Variants in CLSTN2 observed in about 807,000 individuals in gnomAD.
The protein encoded by CLSTN2 is calsyntenin-2.
CLSTN2 carries 48 observed loss-of-function variants against 101.2 expected under a neutral mutation model. The observed-to-expected ratio is 0.47, with a 90% CI of 0.38 to 0.60. The LOEUF is 0.60. CLSTN2 is among the 20% of genes least tolerant of loss of function. The pLI is 0.00. For missense variants in CLSTN2, 1,160 were observed against 1,238.2 expected, an observed-to-expected ratio of 0.94 and a Z score of 0.95; for synonymous variants, 481 against 463.6, an observed-to-expected ratio of 1.04 and a Z score of -0.48.
rs1051138718 is a variant in CLSTN2, at chr3:140,463,265, T to C, written c.1223-3345T>C. 3.9e-5 allele frequency among the ~76,000 whole-genome samples: 6 copies of C among 152,218 alleles called. 1 individual carries two copies. Among genetic ancestry groups the C allele is most frequent in the Admixed American group, 2.6e-4 (4 of 15,286 alleles). On this transcript the variant is annotated intron_variant, in intron 7 of 16. Coordinates refer to ENST00000458420, the MANE Select transcript of CLSTN2 (RefSeq NM_022131.3). ...ATGCAGCCCTTTTCTGTCTCTGAGT[T>C]TGAACTGAGAACAATGAATGATCAG...
At chr3:140,561,152 TA>T (rs1330081175) in intron 12 of CLSTN2, among the ~76,000 whole-genome samples, 19 of 152,104 alleles carry the variant, frequency 1.2e-4, no homozygotes, top group African/African-American at 4.3e-4. Flanking sequence ...ACTTTATAAA[TA>T]AATAAATATA....
chr3:140,427,184 A>AAT lies in CLSTN2; in HGVS notation c.787+5929_787+5930dup, dbSNP rs1177459069. 1.7e-3 allele frequency among the ~76,000 whole-genome samples: 160 copies of AAT among 94,140 alleles called. 1 individual carries two copies. The highest frequency in any genetic ancestry group is 3.1e-3 in the East Asian group (9 of 2,890). The allele number at this position is 94,140 out of a possible 152,430, so 61.8% of individuals were successfully genotyped here. On this transcript the variant is annotated intron_variant, in intron 5 of 16. Coordinates refer to ENST00000458420, the MANE Select transcript of CLSTN2 (RefSeq NM_022131.3). ...GAGTGAGACTGTCTCAAAAAAAAAA[A>AAT]ATATATATATATATATATATGTGTA...
intron 1 of CLSTN2, among the ~76,000 whole-genome samples, chr3:139,976,272 G>C (rs1446981436): frequency 1.3e-5 from 2 of 152,092 alleles, no homozygotes; most frequent in African/African-American, 4.8e-5. Flanking sequence ...CTTTCTCTGG[G>C]TCCATCCAGG....
At chr3:140,430,573 C>T (rs887035917) in intron 5 of CLSTN2, among the ~76,000 whole-genome samples, 16 of 152,138 alleles carry the variant, frequency 1.1e-4, no homozygotes, top group African/African-American at 3.9e-4. Flanking sequence ...GATTATGTGG[C>T]CCTCAAAGCC....
intron 5 of CLSTN2, among the ~76,000 whole-genome samples, chr3:140,422,373 AG>A (rs1465530679): frequency 6.6e-6 from 1 of 152,180 alleles, no homozygotes; most frequent in Non-Finnish European, 1.5e-5. Context: ...CCAATTCATC[AG>A]GGTCAGATTG....
At chr3:140,209,381 G>A (rs1040906236) in intron 2 of CLSTN2, among the ~76,000 whole-genome samples, 1 of 152,176 alleles carries the variant, frequency 6.6e-6, no homozygotes, top group African/African-American at 2.4e-5. Context: ...TCTTTCAGCT[G>A]TGTAGCTTTG....
intron 2 of CLSTN2, among the ~76,000 whole-genome samples, chr3:140,310,160 G>C (rs576309697): frequency 6.6e-6 from 1 of 152,214 alleles, no homozygotes; most frequent in South Asian, 2.1e-4. Flanking sequence ...TACTACAGCA[G>C]TCTCCCAACT....
intron 2 of CLSTN2, among the ~76,000 whole-genome samples, chr3:140,229,884 T>C (rs1367166776): frequency 6.6e-6 from 1 of 152,176 alleles, no homozygotes; most frequent in Non-Finnish European, 1.5e-5. Flanking sequence ...GGCTAGCTTT[T>C]CTCATACTCA....
intron 2 of CLSTN2, among the ~76,000 whole-genome samples, chr3:140,402,493 G>A (rs1229001193): frequency 2.0e-5 from 3 of 152,232 alleles, no homozygotes; most frequent in Non-Finnish European, 2.9e-5. Flanking sequence ...TGGGTACAAA[G>A]CTTGGTGCCT....
chr3:140,082,351 C>A (rs566855579), intron 1 of CLSTN2, among the ~76,000 whole-genome samples: 8 of 152,220 alleles, frequency 5.3e-5, no homozygotes, highest in African/African-American at 1.7e-4. Context: ...TGGGAATGTG[C>A]ATTGCTTTTT....
chr3:140,005,581 A>G (rs1016192381), intron 1 of CLSTN2, among the ~76,000 whole-genome samples: 3 of 152,178 alleles, frequency 2.0e-5, no homozygotes, highest in African/African-American at 7.2e-5. Flanking sequence ...GCTCATCCCT[A>G]AACTGAATGC....
intron 2 of CLSTN2, among the ~76,000 whole-genome samples, chr3:140,344,156 A>G (rs2087518747): frequency 6.6e-6 from 1 of 152,196 alleles, no homozygotes; most frequent in Non-Finnish European, 1.5e-5. Flanking sequence ...CTGACATACA[A>G]CAGTAAGCAT....
chr3:140,508,479 C>T (rs1934728649), intron 8 of CLSTN2: 1 of 152,228 alleles, frequency 6.6e-6, no homozygotes, highest in Admixed American at 6.5e-5. Flanking sequence ...TTGAGAAGCT[C>T]AGAGGCTTTT....
chr3:140,378,662 T>C (rs1434988369), intron 2 of CLSTN2, among the ~76,000 whole-genome samples: 3 of 152,198 alleles, frequency 2.0e-5, no homozygotes, highest in Non-Finnish European at 1.5e-5. Flanking sequence ...GTGAGTCCAA[T>C]TGGAAGAGCT....
At chr3:140,398,379 G>T (rs576352899) in intron 2 of CLSTN2, among the ~76,000 whole-genome samples, 1 of 152,134 alleles carries the variant, frequency 6.6e-6, no homozygotes, top group African/African-American at 2.4e-5. Context: ...CTACATGTAT[G>T]CTTTGATGAA....
rs139984193 is a variant in CLSTN2 at position 140,358,837 on chromosome 3, C to T, written c.233-44792C>T. On this transcript the variant is annotated intron_variant, in intron 2 of 16. Transcript: ENST00000458420. ...ATGACGACACCTGGGAAGAGAGAGG[C>T]GGATTTGTAGGTAACAATGCAACAG... Among the ~76,000 whole-genome samples, 115 of 151,982 alleles carry T rather than the reference C, an allele frequency of 7.6e-4. 1 individual carries two copies. Among genetic ancestry groups the T allele is most frequent in the African/African-American group, 2.5e-3 (102 of 41,452 alleles).
intron 1 of CLSTN2, among the ~76,000 whole-genome samples, chr3:140,053,837 G>A (rs533074196): frequency 6.6e-6 from 1 of 152,286 alleles, no homozygotes; most frequent in South Asian, 2.1e-4. Context: ...GGAGTGAGAT[G>A]GGTGATGTGA....
chr3:140,123,594 G>A (rs1289574280), intron 1 of CLSTN2, among the ~76,000 whole-genome samples: 1 of 152,024 alleles, frequency 6.6e-6, no homozygotes, highest in East Asian at 1.9e-4. Context: ...GTCAGCTCAG[G>A]CTGCCATAAC....
intron 2 of CLSTN2, among the ~76,000 whole-genome samples, chr3:140,196,002 G>T (rs1316010939): frequency 6.6e-6 from 1 of 152,196 alleles, no homozygotes. Context: ...GATGCTGATG[G>T]AGAAGAGGTT....
Sources: gnomAD v4.1 joint callset for allele counts (sites outside exome capture counted in the v4.1 genomes callset) on GRCh38, gnomAD v4.1.1 for gene constraint, MANE v1.5 for transcripts, NCBI Gene and HGNC (gene_info 2026-07-23, HGNC 2026-07-21) for gene names.